Variants in BAIAP2L1 observed in about 807,000 individuals in gnomAD.
The protein encoded by BAIAP2L1 is BAR/IMD domain containing adaptor protein 2 like 1, also known as BAR/IMD domain-containing adapter protein 2-like 1.
Under a neutral mutation model 66.3 loss-of-function variants are expected in BAIAP2L1, and 35 were observed. That is an observed-to-expected ratio of 0.53 (90% confidence interval 0.40 to 0.70). The LOEUF is 0.70. Among genes scored for constraint, BAIAP2L1 ranks in the 30% least tolerant of loss-of-function variants. The pLI, the probability that BAIAP2L1 is intolerant of heterozygous loss-of-function variation, is 0.00. For missense variants in BAIAP2L1, 622 were observed against 656.9 expected (o/e 0.95, Z 0.58); for synonymous variants, 269 against 248.7 (o/e 1.08, Z -0.77).
At chr7:98,309,825 G>C (rs1417848891) in intron 9 of BAIAP2L1, 2 of 153,676 alleles carry the variant, frequency 1.3e-5, no homozygotes, top group Admixed American at 1.3e-4. Context: ...GGTCTGACCA[G>C]TGAAGCAGCC....
In BAIAP2L1 at chr7:98,320,064, A is replaced by G. The variant is rs748432790; in HGVS notation, c.342T>C (p.Tyr114=). 1.5e-5 allele frequency: 25 copies of G among 1,612,984 alleles called. No homozygotes were observed. Among genetic ancestry groups the G allele is most frequent in the East Asian group, 2.2e-5 (1 of 44,894 alleles). ...AGGAAAACCATGCACTTACGTTCAT[A>G]TATTTCACGTCAAGTTCTATCTTCT... ...LEKKIELDVK[Y]MNATLKRYQT... is the part of the protein sequence containing the mutation. The change falls in exon 5 of 14, where the codon TAT becomes TAC. Residue 114 remains tyrosine, a synonymous_variant. Coordinates refer to ENST00000005260, the MANE Select transcript of BAIAP2L1 (RefSeq NM_018842.5).
At chr7:98,362,455 AAATT>A in intron 1 of BAIAP2L1, 23 bp from the exon 2 acceptor site, 1 of 1,581,068 alleles carries the variant, frequency 6.3e-7, no homozygotes, top group Non-Finnish European at 8.6e-7. Flanking sequence ...CAAAACACAC[AAATT>A]AATAAAATAA....
At chr7:98,367,529 C>A (rs1334416273) in intron 1 of BAIAP2L1, among the ~76,000 whole-genome samples, 1 of 122,558 alleles carries the variant, frequency 8.2e-6, no homozygotes, top group Admixed American at 9.6e-5. Flanking sequence ...CACCACCACA[C>A]CTGGCTTTTT....
chr7:98,347,164 A>G (rs1801890066), intron 3 of BAIAP2L1, among the ~76,000 whole-genome samples: 1 of 32,990 alleles, frequency 3.0e-5, no homozygotes, highest in Non-Finnish European at 5.5e-5. Flanking sequence ...TGCTCGCCCT[A>G]TCCTAAGCCA....
chr7:98,334,022 A>T (rs1801557810), intron 3 of BAIAP2L1, among the ~76,000 whole-genome samples: 1 of 152,202 alleles, frequency 6.6e-6, no homozygotes, highest in East Asian at 1.9e-4. Context: ...AAAACACATA[A>T]AGTATATTTT....
intron 3 of BAIAP2L1, among the ~76,000 whole-genome samples, chr7:98,324,017 A>AG (rs1244916968): frequency 6.6e-6 from 1 of 151,572 alleles, no homozygotes; most frequent in Non-Finnish European, 1.5e-5. Context: ...ACATTTGAAA[A>AG]GGGGGAAAAA....
chr7:98,317,868 C>G (rs1444300765), intron 5 of BAIAP2L1, among the ~76,000 whole-genome samples: 1 of 150,488 alleles, frequency 6.6e-6, no homozygotes. Context: ...GGCTGGGACC[C>G]TCACTCTGCA....
At chr7:98,385,213 T>C (rs376424013) in intron 1 of BAIAP2L1, among the ~76,000 whole-genome samples, 1 of 151,052 alleles carries the variant, frequency 6.6e-6, no homozygotes, top group Non-Finnish European at 1.5e-5. Context: ...GAGGCAGAGG[T>C]GGGAGGATTA....
chr7:98,346,608 C>T (rs1801877158), intron 3 of BAIAP2L1, among the ~76,000 whole-genome samples: 1 of 152,124 alleles, frequency 6.6e-6, no homozygotes, highest in Non-Finnish European at 1.5e-5. Flanking sequence ...CGACTAGATA[C>T]CAAGATTAGA....
intron 3 of BAIAP2L1, among the ~76,000 whole-genome samples, chr7:98,335,091 G>C (rs2115603376): frequency 6.8e-6 from 1 of 147,094 alleles, no homozygotes; most frequent in Non-Finnish European, 1.5e-5. Context: ...AGGCGGAGCT[G>C]GCAGTGAGCC....
chr7:98,328,679 CAAA>C (rs1158387861), intron 3 of BAIAP2L1, among the ~76,000 whole-genome samples: 2 of 56,660 alleles, frequency 3.5e-5, no homozygotes, highest in Admixed American at 2.0e-4. Context: ...GATCCCATCT[CAAA>C]AAAAAAAAAA....
chr7:98,324,885 C>T (rs1201802548), intron 3 of BAIAP2L1, among the ~76,000 whole-genome samples: 1 of 152,180 alleles, frequency 6.6e-6, no homozygotes, highest in African/African-American at 2.4e-5. Flanking sequence ...CTGCATAGGA[C>T]ATGTAGGCAT....
At chr7:98,365,811 T>C (rs766087832) in intron 1 of BAIAP2L1, among the ~76,000 whole-genome samples, 4 of 152,200 alleles carry the variant, frequency 2.6e-5, no homozygotes, top group Admixed American at 2.0e-4. Flanking sequence ...AGTACTCTCC[T>C]GTTCTTGTTT....
chr7:98,309,131 G>A (rs1006169), intron 9 of BAIAP2L1: 37,183 of 151,760 alleles, frequency 0.25, 4,869 homozygotes, highest in East Asian at 0.45. Flanking sequence ...TCTCTACTTC[G>A]CTGGTGTTGA....
rs1801102039 is a variant in BAIAP2L1 at position 98,317,236 on chromosome 7, C to T, written c.469G>A (p.Glu157Lys). The change falls in exon 6 of 14, where the codon GAA becomes AAA. Residue 157 changes from glutamate (E) to lysine (K), a missense_variant. Transcript: ENST00000005260. ...SQGSRNALKY[E>K]HKEIEYVETV... ...AAGCTCACCTCAATTTCTTTGTGTT[C>T]ATATTTGAGTGCGTTTCGGCTTCCT... The T allele has an allele frequency of 1.2e-6, 2 of 1,614,226 alleles. No homozygotes were observed. The highest frequency in any genetic ancestry group is 1.7e-6 in the Non-Finnish European group (2 of 1,180,044).
At chr7:98,321,793 G>C (rs1022965069) in intron 3 of BAIAP2L1, among the ~76,000 whole-genome samples, 1 of 152,178 alleles carries the variant, frequency 6.6e-6, no homozygotes, top group Non-Finnish European at 1.5e-5. Flanking sequence ...ACAGCTCAGC[G>C]GCCAGATAAA....
intron 12 of BAIAP2L1, among the ~76,000 whole-genome samples, chr7:98,297,320 T>C (rs1800234156): frequency 6.6e-6 from 1 of 152,186 alleles, no homozygotes; most frequent in Non-Finnish European, 1.5e-5. Context: ...CACATAGCCA[T>C]GCGCCCAGGT....
At chr7:98,304,463 C>CA (rs1372796390) in intron 11 of BAIAP2L1, 87 bp from the exon 12 acceptor site, 1 of 1,328,674 alleles carries the variant, frequency 7.5e-7, no homozygotes, top group East Asian at 2.4e-5. Context: ...CCAAGGACAA[C>CA]AGTAATAGTA....
At chr7:98,306,260 G>A (rs553839402) in intron 11 of BAIAP2L1, among the ~76,000 whole-genome samples, 179 bp downstream of exon 11, 1 of 152,268 alleles carries the variant, frequency 6.6e-6, no homozygotes, top group Admixed American at 6.5e-5. Flanking sequence ...CAGCAGCAAA[G>A]CTCGGGGACA....
Sources: allele counts gnomAD v4.1 joint callset (sites outside exome capture counted in the v4.1 genomes callset), GRCh38; gene constraint gnomAD v4.1.1; transcripts MANE v1.5; gene names NCBI Gene and HGNC (gene_info 2026-07-23, HGNC 2026-07-21).